CDH13: variants seen among roughly 807,000 people sequenced by gnomAD.
The protein encoded by CDH13 is cadherin 13.
Under a neutral mutation model 63.8 loss-of-function variants are expected in CDH13, and 24 were observed. The ratio of observed to expected loss-of-function variants is 0.38; its 90% confidence interval spans 0.27 to 0.53. The LOEUF (loss-of-function observed/expected upper bound fraction) is 0.53. Ranked by LOEUF, CDH13 falls within the 20% of genes least tolerant of loss-of-function variation. The pLI is 0.85. For missense variants in CDH13, 1,049 were observed against 903.1 expected, an observed-to-expected ratio of 1.16 and a Z score of -2.07; for synonymous variants, 503 against 355.3, an observed-to-expected ratio of 1.42 and a Z score of -4.67.
intron 10 of CDH13, among the ~76,000 whole-genome samples, chr16:83,742,353 C>G (rs886357987): frequency 1.3e-5 from 2 of 152,124 alleles, no homozygotes; most frequent in African/African-American, 2.4e-5. Context: ...CAGAAGAGGC[C>G]GAGGCTTGGC....
chr16:82,809,178 T>C (rs2037313349), intron 1 of CDH13, among the ~76,000 whole-genome samples: 2 of 152,180 alleles, frequency 1.3e-5, no homozygotes, highest in African/African-American at 2.4e-5. Context: ...AATGAAAATA[T>C]CTGTTTCCTC....
At chr16:82,934,399 G>A (rs1481705623) in intron 2 of CDH13, among the ~76,000 whole-genome samples, 2 of 152,106 alleles carry the variant, frequency 1.3e-5, no homozygotes, top group Non-Finnish European at 2.9e-5. Context: ...CAGCTGGGGG[G>A]CCCTGGCTCC....
chr16:83,128,666 C>T (rs1047013914), intron 4 of CDH13, among the ~76,000 whole-genome samples: 2 of 152,190 alleles, frequency 1.3e-5, no homozygotes, highest in Non-Finnish European at 1.5e-5. Context: ...CAATTTCCTC[C>T]GGGGTATATT....
chr16:83,583,256 A>G (rs1261764329), intron 7 of CDH13, among the ~76,000 whole-genome samples: 3 of 152,174 alleles, frequency 2.0e-5, no homozygotes, highest in Non-Finnish European at 4.4e-5. Context: ...TCTTTAACTT[A>G]ATTACATCTG....
At chr16:83,405,598 T>C (rs556519338) in intron 6 of CDH13, among the ~76,000 whole-genome samples, 7 of 152,322 alleles carry the variant, frequency 4.6e-5, no homozygotes, top group African/African-American at 1.7e-4. Flanking sequence ...TCCAGAACTG[T>C]CAGAGAATAC....
chr16:82,796,160 T>C (rs1327679247), intron 1 of CDH13, among the ~76,000 whole-genome samples: 2 of 152,120 alleles, frequency 1.3e-5, no homozygotes, highest in African/African-American at 4.8e-5. Context: ...CTAGGCAGCC[T>C]CGTGGGTAAT....
intron 2 of CDH13, among the ~76,000 whole-genome samples, chr16:82,898,848 A>T (rs1017477561): frequency 3.9e-5 from 6 of 152,210 alleles, no homozygotes; most frequent in African/African-American, 1.4e-4. Flanking sequence ...TAGGAAACAG[A>T]GTCTGAGCTG....
At chr16:83,677,453 A>G (rs1301203694) in intron 9 of CDH13, among the ~76,000 whole-genome samples, 1 of 152,096 alleles carries the variant, frequency 6.6e-6, no homozygotes, top group East Asian at 1.9e-4. Flanking sequence ...CGCCCGGCAA[A>G]TGGTTGTAGA....
chr16:83,264,323 T>A (rs901816763), intron 5 of CDH13, among the ~76,000 whole-genome samples: 3 of 152,186 alleles, frequency 2.0e-5, no homozygotes, highest in African/African-American at 7.2e-5. Flanking sequence ...TCTCAAATCT[T>A]TGTTTATGAA....
At chr16:83,714,901 C>T (rs1290153887) in intron 10 of CDH13, among the ~76,000 whole-genome samples, 1 of 152,006 alleles carries the variant, frequency 6.6e-6, no homozygotes, top group Non-Finnish European at 1.5e-5. Context: ...ATCTATTTCC[C>T]TTGTGATTTT....
chr16:82,853,281 C>G (rs1014857939), intron 1 of CDH13, among the ~76,000 whole-genome samples: 2 of 152,108 alleles, frequency 1.3e-5, no homozygotes, highest in African/African-American at 4.8e-5. Context: ...TGTATGTAGT[C>G]TAAACAGTCT....
intron 6 of CDH13, among the ~76,000 whole-genome samples, chr16:83,349,554 GA>G (rs1391179836): frequency 6.6e-6 from 1 of 151,110 alleles, no homozygotes; most frequent in Non-Finnish European, 1.5e-5. Context: ...GTGAGGTACA[GA>G]AAAGGAAGTC....
chr16:82,652,713 T>G (rs1266740026), intron 1 of CDH13, among the ~76,000 whole-genome samples: 6 of 152,100 alleles, frequency 3.9e-5, no homozygotes, highest in Admixed American at 6.5e-5. Context: ...ATTGTTTTTT[T>G]TTTTTTTTTT....
At chr16:83,752,204 G>A (rs1913145863) in intron 11 of CDH13, among the ~76,000 whole-genome samples, 2 of 152,220 alleles carry the variant, frequency 1.3e-5, no homozygotes, top group South Asian at 4.1e-4. Context: ...ATGAAATATA[G>A]CGTAGCATGG....
At chr16:82,846,710 A>G (rs1371381477) in intron 1 of CDH13, among the ~76,000 whole-genome samples, 2 of 152,210 alleles carry the variant, frequency 1.3e-5, no homozygotes, top group Admixed American at 1.3e-4. Context: ...TCTAGATAAT[A>G]AGTTTTTTAA....
intron 7 of CDH13, among the ~76,000 whole-genome samples, chr16:83,551,094 A>ATCTATCTATCTG (rs1227835134): frequency 1.3e-4 from 20 of 150,634 alleles, no homozygotes; most frequent in African/African-American, 3.9e-4. Context: ...CTATCTATCT[A>ATCTATCTATCTG]TCTTTGAGAC....
intron 2 of CDH13, among the ~76,000 whole-genome samples, chr16:82,998,637 A>G (rs72792170): frequency 0.16 from 24,519 of 152,110 alleles, 2,373 homozygotes; most frequent in African/African-American, 0.26. Flanking sequence ...CTCTTGGGTC[A>G]TTCTCCTCTG....
intron 5 of CDH13, among the ~76,000 whole-genome samples, chr16:83,298,725 C>G (rs1275399156): frequency 1.3e-5 from 2 of 152,178 alleles, no homozygotes; most frequent in African/African-American, 2.4e-5. Flanking sequence ...GGTTGAGAGG[C>G]TCAGATGGCC....
At chr16:83,654,035 G>A (rs1465859803) in intron 8 of CDH13, among the ~76,000 whole-genome samples, 1 of 152,088 alleles carries the variant, frequency 6.6e-6, no homozygotes, top group Admixed American at 6.5e-5. Context: ...AATGGGTGGG[G>A]TAATGAATGC....
Sources: gnomAD v4.1 joint callset for allele counts (sites outside exome capture counted in the v4.1 genomes callset) on GRCh38, gnomAD v4.1.1 for gene constraint, MANE v1.5 for transcripts, NCBI Gene and HGNC (gene_info 2026-07-23, HGNC 2026-07-21) for gene names.